The following NEK6 variants were observed in gnomAD, a reference collection of about 807,000 sequenced individuals.
The protein encoded by NEK6 is serine/threonine-protein kinase Nek6.
Under a neutral mutation model 43.5 loss-of-function variants are expected in NEK6, and 27 were observed. That is an observed-to-expected ratio of 0.62 (90% CI 0.46 to 0.86). The LOEUF is 0.86. Ranked by LOEUF, NEK6 falls within the 40% of genes least tolerant of loss-of-function variation. NEK6 has a pLI of 0.00. For synonymous variants in NEK6, 167 were observed against 164.1 expected, an observed-to-expected ratio of 1.02 and a Z score of -0.14; for missense variants, 318 against 414.4, an observed-to-expected ratio of 0.77 and a Z score of 2.02.
chr9:124,292,178 C>T (rs575853360), intron 1 of NEK6: 30 of 1,261,386 alleles, frequency 2.4e-5, no homozygotes, highest in Non-Finnish European at 2.7e-5. Context: ...CCCCAGGGAC[C>T]TCCAGGGCTG....
chr9:124,316,298 T>C (rs1164233021), intron 4 of NEK6, among the ~76,000 whole-genome samples: 2 of 152,198 alleles, frequency 1.3e-5, no homozygotes, highest in African/African-American at 4.8e-5. Context: ...CGCAGGCGTG[T>C]GTTCATTCAT....
intron 1 of NEK6, chr9:124,258,366 G>T (rs1255831347): frequency 1.0e-6 from 1 of 983,394 alleles, no homozygotes; most frequent in Non-Finnish European, 1.2e-6. Context: ...GTTGGGGTGA[G>T]TGCGTGCGGG....
At chr9:124,341,269 T>A (rs1242184500) in intron 8 of NEK6, among the ~76,000 whole-genome samples, 1 of 152,202 alleles carries the variant, frequency 6.6e-6, no homozygotes, top group East Asian at 1.9e-4. Flanking sequence ...GCAGCATCTT[T>A]CTTTATAAGC....
intron 7 of NEK6, among the ~76,000 whole-genome samples, chr9:124,330,884 C>T (rs972937300): frequency 6.6e-6 from 1 of 152,182 alleles, no homozygotes; most frequent in Non-Finnish European, 1.5e-5. Context: ...CCTCCCAGAG[C>T]CGCCCTCACT....
At chr9:124,308,527 AC>A (rs1379592508) in intron 2 of NEK6, among the ~76,000 whole-genome samples, 1 of 152,030 alleles carries the variant, frequency 6.6e-6, no homozygotes, top group Non-Finnish European at 1.5e-5. Context: ...GGTGGCGGGC[AC>A]CTGCTACTCC....
intron 1 of NEK6, among the ~76,000 whole-genome samples, chr9:124,288,696 TG>T (rs1832267631): frequency 6.6e-6 from 1 of 152,142 alleles, no homozygotes; most frequent in African/African-American, 2.4e-5. Context: ...CCCTACAAGA[TG>T]GGTCCTACTG....
intron 7 of NEK6, among the ~76,000 whole-genome samples, chr9:124,328,232 T>G (rs1015893670): frequency 6.6e-6 from 1 of 152,084 alleles, no homozygotes; most frequent in African/African-American, 2.4e-5. Context: ...ATGGGGGATT[T>G]TTCATTTAGT....
At chr9:124,300,282 G>A (rs1832896510) in intron 1 of NEK6, 1 of 152,214 alleles carries the variant, frequency 6.6e-6, no homozygotes, top group Non-Finnish European at 1.5e-5. Flanking sequence ...GAGGAAGGAA[G>A]AGTGACTTGC....
intron 2 of NEK6, among the ~76,000 whole-genome samples, chr9:124,309,699 C>T (rs142993244): frequency 8.1e-4 from 123 of 152,366 alleles, no homozygotes; most frequent in African/African-American, 2.9e-3. Flanking sequence ...TAACGTACAA[C>T]ACCTCATGGT....
At chr9:124,283,071 G>A (rs752654777) in intron 1 of NEK6, among the ~76,000 whole-genome samples, 4 of 152,206 alleles carry the variant, frequency 2.6e-5, no homozygotes, top group Admixed American at 1.3e-4. Context: ...AGACGTTTCC[G>A]CCCTGACAAC....
intron 1 of NEK6, among the ~76,000 whole-genome samples, chr9:124,300,933 T>C (rs1378260153): frequency 1.3e-5 from 2 of 151,950 alleles, no homozygotes; most frequent in Non-Finnish European, 2.9e-5. Flanking sequence ...CATCCAGGGC[T>C]TGTCTGGGAG....
intron 4 of NEK6, among the ~76,000 whole-genome samples, chr9:124,317,783 A>G (rs1293318870): frequency 1.3e-5 from 2 of 152,100 alleles, no homozygotes; most frequent in East Asian, 3.8e-4. Flanking sequence ...CAGTATAGAT[A>G]TGTTTCTGTG....
chr9:124,261,690 G>A (rs1037462955), intron 1 of NEK6: 57 of 691,452 alleles, frequency 8.2e-5, no homozygotes, highest in African/African-American at 7.2e-4. Flanking sequence ...TGAATGTTGT[G>A]TGTGAGGACC....
At chr9:124,258,500 C>G (rs1830898613) in intron 1 of NEK6, 1 of 271,186 alleles carries the variant, frequency 3.7e-6, no homozygotes. Flanking sequence ...GTGTGCATTC[C>G]AAAGTGATTT....
At chr9:124,311,632 G>A (rs1208914031) in intron 2 of NEK6, among the ~76,000 whole-genome samples, 1 of 152,198 alleles carries the variant, frequency 6.6e-6, no homozygotes, top group Admixed American at 6.5e-5. Flanking sequence ...TGGAGCTCTG[G>A]TTTCTTCACG....
chr9:124,258,116 TGGGGCCCCGCGGCCCGGAGAAGGGCGGG>T (rs1830880045), intron 1 of NEK6, 31 bp downstream of exon 1: 1 of 976,064 alleles, frequency 1.0e-6, no homozygotes, highest in Non-Finnish European at 1.2e-6. Context: ...GCCGGGCCGG[TGGGGCCCCGCGGCCCGGAGAAGGGCGGG>T]GGCCGGGCGG....
chr9:124,257,791 C>T (rs1173071490), upstream of NEK6: 2 of 1,428,284 alleles, frequency 1.4e-6, no homozygotes, highest in Non-Finnish European at 9.3e-7. Context: ...GGATCGGCCG[C>T]AGAACTCGGC....
intron 1 of NEK6, among the ~76,000 whole-genome samples, chr9:124,283,400 C>A (rs1022876790): frequency 5.9e-5 from 9 of 152,192 alleles, no homozygotes; most frequent in African/African-American, 2.2e-4. Context: ...CTGAGACGAC[C>A]GGGCAGGGGT....
chr9:124,280,163 C>T (rs534374996), intron 1 of NEK6, among the ~76,000 whole-genome samples: 53 of 150,406 alleles, frequency 3.5e-4, no homozygotes, highest in South Asian at 1.1e-3. Flanking sequence ...AGGTTCACAC[C>T]GCCCAAAGAA....
Sources: allele counts gnomAD v4.1 joint callset (sites outside exome capture counted in the v4.1 genomes callset), GRCh38; gene constraint gnomAD v4.1.1; transcripts MANE v1.5; gene names NCBI Gene and HGNC (gene_info 2026-07-23, HGNC 2026-07-21).